LMBR1: variants seen among roughly 807,000 people sequenced by gnomAD.
The protein encoded by LMBR1 is limb development membrane protein 1.
LMBR1 carries 52 observed loss-of-function variants against 73.9 expected under a neutral mutation model. The ratio of observed to expected loss-of-function variants is 0.70; its 90% CI spans 0.56 to 0.89. The LOEUF (loss-of-function observed/expected upper bound fraction) is 0.89, where lower values mean the gene tolerates loss of function less well. Ranked by LOEUF, LMBR1 falls within the 40% of genes least tolerant of loss-of-function variation. LMBR1 has a pLI of 0.00. For synonymous variants in LMBR1, 215 were observed against 209.4 expected (o/e 1.03, Z -0.23); for missense variants, 539 against 579.8 (o/e 0.93, Z 0.72).
intron 15 of LMBR1, among the ~76,000 whole-genome samples, chr7:156,700,731 A>G (rs1016769740): frequency 6.6e-6 from 1 of 152,134 alleles, no homozygotes; most frequent in Non-Finnish European, 1.5e-5. Flanking sequence ...TGAGCCCTCC[A>G]AACTGTGCCA....
chr7:156,682,124 T>C lies in LMBR1; in HGVS notation c.*1954A>G, dbSNP rs528304118. ...AGTGAGGATGCCTCCAGGAAGTGTA[T>C]TGTACTCAGGGCTTACAAATCCAAA... On this transcript the variant is annotated 3_prime_UTR_variant, in exon 17 of 17. Coordinates refer to ENST00000353442, the MANE Select transcript of LMBR1 (RefSeq NM_022458.4). 12 of 152,270 alleles carry C rather than the reference T, an allele frequency of 7.9e-5. No individual in the cohort carries two copies. The highest frequency in any genetic ancestry group is 1.6e-4 in the Non-Finnish European group (11 of 68,062). The allele number at this position is 152,270 out of a possible 1,614,324, so 9.4% of individuals were successfully genotyped here. A position where few individuals can be genotyped will look rare whatever the true frequency, so the allele number is the denominator to read the frequency against.
chr7:156,708,641 C>A (rs1433679486), intron 15 of LMBR1, among the ~76,000 whole-genome samples: 1 of 152,098 alleles, frequency 6.6e-6, no homozygotes, highest in African/African-American at 2.4e-5. Context: ...TTTTCTTGAG[C>A]AGAATTTCTT....
Position 156,670,970 on chromosome 7 carries a change from A to C in LMBR1, n.867-1683T>G, listed in dbSNP as rs890246443. Among the ~76,000 whole-genome samples the C allele has an allele frequency of 1.3e-5, 2 of 152,234 alleles. No homozygotes were observed. Among genetic ancestry groups the C allele is most frequent in the Admixed American group, 1.3e-4 (2 of 15,286 alleles). ...TCATGTCTCAGGTTAAAAGAGAGAG[A>C]GAGCTTATGACAAAAATAACATAAA... On this transcript the variant is annotated intron_variant and non_coding_transcript_variant, in intron 4 of 4. Coordinates refer to the LMBR1 transcript ENST00000430825. The surrounding 1 kb of genome is among the most constrained non-coding windows in gnomAD (Gnocchi z 4.3).
downstream of LMBR1, chr7:156,677,703 C>T (rs1028862489): frequency 4.6e-5 from 7 of 152,308 alleles, no homozygotes; most frequent in African/African-American, 1.7e-4. Context: ...AGAAAAAATA[C>T]TCTCCTATGT....
intron 2 of LMBR1, among the ~76,000 whole-genome samples, chr7:156,835,436 T>C (rs796691353): frequency 1.2e-4 from 18 of 152,330 alleles, no homozygotes; most frequent in African/African-American, 4.3e-4. Context: ...GGCTCATGCC[T>C]ATAATCCCAG....
chr7:156,833,316 C>G (rs1837008202), intron 3 of LMBR1, among the ~76,000 whole-genome samples: 1 of 152,128 alleles, frequency 6.6e-6, no homozygotes, highest in Admixed American at 6.5e-5. Context: ...ATTACAGGAC[C>G]TCCCTATCAT....
chr7:156,783,963 TTTTG>T (rs1362807538), intron 5 of LMBR1, among the ~76,000 whole-genome samples: 2 of 151,712 alleles, frequency 1.3e-5, no homozygotes, highest in Admixed American at 6.6e-5. Context: ...TCTTGTTGTA[TTTTG>T]TTTATTTTTT....
chr7:156,811,059 C>G (rs1833011442), intron 4 of LMBR1, among the ~76,000 whole-genome samples: 1 of 152,056 alleles, frequency 6.6e-6, no homozygotes, highest in Non-Finnish European at 1.5e-5. Context: ...GATCCACCCA[C>G]CTCAGCCTCC....
intron 14 of LMBR1, among the ~76,000 whole-genome samples, chr7:156,725,175 A>C (rs1372356815): frequency 6.6e-6 from 1 of 152,208 alleles, no homozygotes; most frequent in African/African-American, 2.4e-5. Flanking sequence ...GAGGAAAAAG[A>C]GTCCTTTCAG....
At chr7:156,885,198 C>T (rs1214849465) in intron 1 of LMBR1, among the ~76,000 whole-genome samples, 1 of 151,946 alleles carries the variant, frequency 6.6e-6, no homozygotes, top group Non-Finnish European at 1.5e-5. Context: ...ACTAAAAATA[C>T]AAAAATTAGC....
At chr7:156,671,009 A>C (rs1451308465) in intron 4 of LMBR1, among the ~76,000 whole-genome samples, 1 of 152,186 alleles carries the variant, frequency 6.6e-6, no homozygotes, top group Non-Finnish European at 1.5e-5. Flanking sequence ...GGAGAGGAAA[A>C]TTAAGTATGC....
chr7:156,792,033 GATATA>G (rs745833210), intron 5 of LMBR1, among the ~76,000 whole-genome samples: 61 of 152,228 alleles, frequency 4.0e-4, no homozygotes, highest in Non-Finnish European at 8.5e-4. Context: ...AAGATGTTAA[GATATA>G]ATATAAAACA....
chr7:156,789,042 G>A (rs192757774), intron 5 of LMBR1, among the ~76,000 whole-genome samples: 106 of 152,248 alleles, frequency 7.0e-4, no homozygotes, highest in African/African-American at 2.4e-3. Flanking sequence ...GCAGGACTCT[G>A]TCTCTAAAAA....
intron 15 of LMBR1, among the ~76,000 whole-genome samples, chr7:156,702,953 GC>G (rs1810114087): frequency 6.6e-6 from 1 of 152,232 alleles, no homozygotes; most frequent in African/African-American, 2.4e-5. Context: ...AAAACAGGCA[GC>G]CCATGTGGCC....
intron 15 of LMBR1, among the ~76,000 whole-genome samples, chr7:156,716,545 T>C (rs1197630211): frequency 6.6e-6 from 1 of 152,218 alleles, no homozygotes; most frequent in East Asian, 1.9e-4. Context: ...GGATGGTAAC[T>C]GGCTGCGATC....
At chr7:156,764,402 A>T (rs540550471) in intron 5 of LMBR1, among the ~76,000 whole-genome samples, 9 of 152,222 alleles carry the variant, frequency 5.9e-5, no homozygotes, top group Non-Finnish European at 1.3e-4. Context: ...TAATATAATC[A>T]TTATGCACAA....
At chr7:156,879,669 A>G (rs1307169315) in intron 1 of LMBR1, among the ~76,000 whole-genome samples, 1 of 151,560 alleles carries the variant, frequency 6.6e-6, no homozygotes, top group East Asian at 1.9e-4. Context: ...GTCTCAAAAA[A>G]AAAAAAAAAA....
intron 5 of LMBR1, among the ~76,000 whole-genome samples, chr7:156,781,005 T>C (rs949172590): frequency 2.6e-5 from 4 of 152,180 alleles, no homozygotes; most frequent in Non-Finnish European, 4.4e-5. Flanking sequence ...TTCAGTTCCA[T>C]AAAAGCAAGC....
intron 1 of LMBR1, 111 bp from the exon 2 acceptor site, chr7:156,836,996 G>GTTAA: frequency 1.4e-6 from 1 of 711,420 alleles, no homozygotes. Flanking sequence ...CTACTAAAAA[G>GTTAA]TTAAAATGCT....
Sources: allele counts gnomAD v4.1 joint callset (sites outside exome capture counted in the v4.1 genomes callset), GRCh38; gene constraint gnomAD v4.1.1; non-coding constraint Gnocchi (gnomAD v3.1); transcripts MANE v1.5; gene names NCBI Gene and HGNC (gene_info 2026-07-23, HGNC 2026-07-21).